PALS2: variants seen among roughly 807,000 people sequenced by gnomAD.
PALS2 encodes protein associated with LIN7 2, MAGUK p55 family member, also known as protein PALS2.
PALS2 carries 27 observed loss-of-function variants against 61.6 expected under a neutral mutation model. That is an observed-to-expected ratio of 0.44 (90% CI 0.32 to 0.60). The LOEUF (loss-of-function observed/expected upper bound fraction) is 0.60. Among genes scored for constraint, PALS2 ranks in the 20% least tolerant of loss-of-function variants. PALS2 has a pLI of 0.05. For synonymous variants in PALS2, 236 were observed against 218.6 expected (o/e 1.08, Z -0.70); for missense variants, 554 against 639.4 (o/e 0.87, Z 1.44).
chr7:24,649,129 G>A (rs78113691), intron 3 of PALS2, among the ~76,000 whole-genome samples: 9,590 of 151,936 alleles, frequency 0.063, 346 homozygotes, highest in African/African-American at 0.093. Flanking sequence ...TCCATTTTCT[G>A]TTGGACATCT....
chr7:24,592,496 A>C (rs977489262), intron 1 of PALS2, among the ~76,000 whole-genome samples: 2 of 152,032 alleles, frequency 1.3e-5, no homozygotes, highest in African/African-American at 4.8e-5. Flanking sequence ...ATGGGAAACT[A>C]TTGGATGATT....
At chr7:24,652,601 T>A (rs11972947) in intron 5 of PALS2, among the ~76,000 whole-genome samples, 16 of 150,928 alleles carry the variant, frequency 1.1e-4, no homozygotes, top group South Asian at 8.3e-4. Flanking sequence ...TTTTTTTTTT[T>A]AAATGAAAAG....
intron 2 of PALS2, among the ~76,000 whole-genome samples, chr7:24,634,078 AT>A (rs1230868705): frequency 6.6e-6 from 1 of 151,096 alleles, no homozygotes; most frequent in Non-Finnish European, 1.5e-5. Flanking sequence ...AGTCATATTT[AT>A]TTTTATTATG....
At chr7:24,624,111 G>A in intron 2 of PALS2, 1 of 1,314,284 alleles carries the variant, frequency 7.6e-7, no homozygotes, top group Non-Finnish European at 1.0e-6. Context: ...CAATGGCAAA[G>A]TACTGATTTT....
intron 1 of PALS2, among the ~76,000 whole-genome samples, chr7:24,609,183 A>G (rs1006940398): frequency 2.0e-5 from 3 of 152,164 alleles, no homozygotes; most frequent in African/African-American, 7.2e-5. Context: ...TTATTTATAA[A>G]TGAAGGACTA....
In PALS2 at chr7:24,573,676, C is replaced by A. The variant is rs1320061142; in HGVS notation, c.-3+83C>A. On this transcript the variant is annotated intron_variant, in intron 1 of 11. Coordinates refer to ENST00000222644, the MANE Select transcript of PALS2 (RefSeq NM_001303037.2). The surrounding 1 kb of genome is among the most constrained non-coding windows in gnomAD (Gnocchi z 5.3). ...GCCGGGGGCGCCCTGTTGCTCGGCG[C>A]GGCGCGCCACGCGGGGACCCTGGCC... is the stretch of plus-strand genomic sequence containing the variant. 2 of 196,262 alleles carry A rather than the reference C, an allele frequency of 1.0e-5. No individual in the cohort carries two copies. Among genetic ancestry groups the A allele is most frequent in the Admixed American group, 6.2e-5 (1 of 16,234 alleles). 12.2% of individuals were successfully genotyped at this position (196,262 alleles called of 1,614,324 possible).
At chr7:24,607,454 G>A (rs892656781) in intron 1 of PALS2, among the ~76,000 whole-genome samples, 4 of 150,758 alleles carry the variant, frequency 2.7e-5, no homozygotes, top group African/African-American at 7.3e-5. Flanking sequence ...ACTTGCTAAT[G>A]TATGTGTATC....
intron 3 of PALS2, among the ~76,000 whole-genome samples, chr7:24,643,463 G>A (rs1359141620): frequency 2.0e-5 from 3 of 151,942 alleles, no homozygotes; most frequent in Non-Finnish European, 4.4e-5. Flanking sequence ...TTACTAATTT[G>A]AGATTTTGCA....
intron 1 of PALS2, among the ~76,000 whole-genome samples, chr7:24,592,449 C>T (rs1478231469): frequency 2.0e-5 from 3 of 151,852 alleles, no homozygotes; most frequent in Non-Finnish European, 4.4e-5. Flanking sequence ...ATGTGAAGGC[C>T]CTTATGCTGT....
chr7:24,636,316 C>T (rs1785237870), intron 2 of PALS2, among the ~76,000 whole-genome samples: 1 of 151,292 alleles, frequency 6.6e-6, no homozygotes, highest in Non-Finnish European at 1.5e-5. Flanking sequence ...AAGTGCCTGT[C>T]TTCTCCCATA....
At chr7:24,648,910 A>AG (rs1491275533) in intron 3 of PALS2, among the ~76,000 whole-genome samples, 3 of 149,758 alleles carry the variant, frequency 2.0e-5, no homozygotes, top group Non-Finnish European at 4.5e-5. Context: ...GTCTCAAAAA[A>AG]GAAAAAAAAA....
intron 2 of PALS2, among the ~76,000 whole-genome samples, chr7:24,634,654 G>A (rs182843519): frequency 6.6e-6 from 1 of 152,270 alleles, no homozygotes; most frequent in Non-Finnish European, 1.5e-5. Flanking sequence ...TTACCCCTGT[G>A]TTTCCGAAGA....
At chr7:24,638,305 T>A in intron 2 of PALS2, among the ~76,000 whole-genome samples, 1 of 144,754 alleles carries the variant, frequency 6.9e-6, no homozygotes, top group South Asian at 2.3e-4. Flanking sequence ...TTTTTCTCCC[T>A]TCAATTTCTG....
At chr7:24,637,991 A>C (rs1459436256) in intron 2 of PALS2, among the ~76,000 whole-genome samples, 2 of 152,174 alleles carry the variant, frequency 1.3e-5, no homozygotes, top group Admixed American at 6.5e-5. Context: ...TATTTATTTA[A>C]ATAGTATGTG....
intron 1 of PALS2, among the ~76,000 whole-genome samples, chr7:24,606,725 G>C (rs143591241): frequency 6.6e-6 from 1 of 151,982 alleles, no homozygotes; most frequent in Non-Finnish European, 1.5e-5. Context: ...TTATAGGAAT[G>C]AGCCACTGCT....
At chr7:24,680,892 G>C (rs1482357781) in intron 11 of PALS2, among the ~76,000 whole-genome samples, 1 of 152,152 alleles carries the variant, frequency 6.6e-6, no homozygotes, top group Non-Finnish European at 1.5e-5. Flanking sequence ...CACCGTGCCT[G>C]GCCAACTCTT....
At chr7:24,575,422 C>T (rs946107205) in intron 1 of PALS2, among the ~76,000 whole-genome samples, 7 of 151,984 alleles carry the variant, frequency 4.6e-5, no homozygotes, top group African/African-American at 1.7e-4. Flanking sequence ...GAGCAGTTTG[C>T]TTCTGAGTCT....
chr7:24,641,607 T>G, intron 2 of PALS2, 109 bp from the exon 3 acceptor site: 1 of 968,182 alleles, frequency 1.0e-6, no homozygotes, highest in Non-Finnish European at 1.5e-6. Flanking sequence ...TTTACATGAA[T>G]TAAATCTCCA....
rs74463496 is a variant in PALS2 at position 24,576,099 on chromosome 7, C to G, written c.-3+2506C>G. On this transcript the variant is annotated intron_variant, in intron 1 of 11. Coordinates refer to ENST00000222644, the MANE Select transcript of PALS2 (RefSeq NM_001303037.2). Reference sequence around the variant, plus strand: ...ACTGTTTGGGAATATGTCAGTTATTCCTTAAAACTTAGGCGGAGAAAAATT... The same window carrying G: ...ACTGTTTGGGAATATGTCAGTTATTGCTTAAAACTTAGGCGGAGAAAAATT... Among the ~76,000 whole-genome samples the G allele has an allele frequency of 8.5e-5, 13 of 152,172 alleles. No individual in the cohort carries two copies. The East Asian group carries it at 2.5e-3, about 29-fold the overall frequency.
Sources: gnomAD v4.1 joint callset for allele counts (sites outside exome capture counted in the v4.1 genomes callset) on GRCh38, gnomAD v4.1.1 for gene constraint, Gnocchi (gnomAD v3.1) non-coding constraint, MANE v1.5 for transcripts, NCBI Gene and HGNC (gene_info 2026-07-23, HGNC 2026-07-21) for gene names.